CAMK1G: variants seen among roughly 807,000 people sequenced by gnomAD.
CAMK1G encodes calcium/calmodulin-dependent protein kinase type 1G.
A neutral mutation model predicts 54.8 loss-of-function variants in CAMK1G; 27 were observed. That is an observed-to-expected ratio of 0.49 (90% CI 0.36 to 0.68). The LOEUF (loss-of-function observed/expected upper bound fraction) is 0.68. Ranked by LOEUF, CAMK1G falls within the 30% of genes least tolerant of loss-of-function variation. The pLI, the probability that CAMK1G is intolerant of heterozygous loss-of-function variation, is 0.00. For synonymous variants in CAMK1G, 238 were observed against 224.9 expected, an observed-to-expected ratio of 1.06 and a Z score of -0.52; for missense variants, 512 against 591.0, an observed-to-expected ratio of 0.87 and a Z score of 1.39.
At chr1:209,584,675 C>T (rs921347268) in intron 1 of CAMK1G, among the ~76,000 whole-genome samples, 2 of 152,130 alleles carry the variant, frequency 1.3e-5, no homozygotes, top group Non-Finnish European at 2.9e-5. Flanking sequence ...GTCTGGCCAG[C>T]CTCTTGCTCT....
intron 7 of CAMK1G, 91 bp downstream of exon 7, chr1:209,608,024 C>A: frequency 1.1e-6 from 1 of 928,692 alleles, no homozygotes; most frequent in Non-Finnish European, 1.7e-6. Context: ...GCTCCTCCTC[C>A]AAGCACGTGC....
intron 4 of CAMK1G, among the ~76,000 whole-genome samples, chr1:209,604,851 TA>T (rs1665609391): frequency 6.6e-6 from 1 of 152,178 alleles, no homozygotes; most frequent in Admixed American, 6.5e-5. Context: ...GCAGAAACAT[TA>T]GGAATATTCC....
chr1:209,592,234 C>T (rs1665273215), intron 1 of CAMK1G, among the ~76,000 whole-genome samples: 2 of 150,842 alleles, frequency 1.3e-5, no homozygotes, highest in East Asian at 3.9e-4. Context: ...GTAGACCCAA[C>T]TACTAGGGTG....
chr1:209,589,551 T>A (rs943898671), intron 1 of CAMK1G, among the ~76,000 whole-genome samples: 1 of 152,164 alleles, frequency 6.6e-6, no homozygotes, highest in Admixed American at 6.5e-5. Context: ...GTCTAACTCC[T>A]CCACAATGCG....
intron 2 of CAMK1G, among the ~76,000 whole-genome samples, chr1:209,595,460 G>C (rs1290564149): frequency 2.6e-5 from 4 of 152,092 alleles, no homozygotes. Flanking sequence ...GGGAATACCA[G>C]TCCCTTTCCC....
At chr1:209,601,785 A>G (rs894299776) in intron 3 of CAMK1G, among the ~76,000 whole-genome samples, 28 of 152,222 alleles carry the variant, frequency 1.8e-4, no homozygotes, top group African/African-American at 6.8e-4. Flanking sequence ...TTATGTGTTT[A>G]CTATTACCCA....
At chr1:209,608,955 A>T in intron 7 of CAMK1G, 25 bp from the exon 8 acceptor site, 1 of 1,613,548 alleles carries the variant, frequency 6.2e-7, no homozygotes, top group Non-Finnish European at 8.5e-7. Context: ...GTTCAGTAGT[A>T]TGCCTCCTTC....
chr1:209,584,454 C>T (rs143274353), intron 1 of CAMK1G, among the ~76,000 whole-genome samples: 165 of 152,250 alleles, frequency 1.1e-3, no homozygotes, highest in African/African-American at 3.9e-3. Context: ...CCTTCACCTT[C>T]CCCAGGGGCG....
intron 9 of CAMK1G, 135 bp downstream of exon 9, chr1:209,610,064 A>G (rs1015447502): frequency 1.3e-5 from 10 of 741,942 alleles, no homozygotes; most frequent in African/African-American, 6.9e-5. Flanking sequence ...GGACCATGCC[A>G]TTGTTCATCA....
chr1:209,608,183 C>T (rs1156985756), intron 7 of CAMK1G, among the ~76,000 whole-genome samples: 1 of 152,192 alleles, frequency 6.6e-6, no homozygotes, highest in East Asian at 1.9e-4. Context: ...CACTGCACAG[C>T]CACCTGGCAC....
intron 2 of CAMK1G, among the ~76,000 whole-genome samples, chr1:209,599,126 T>A (rs771631550): frequency 6.6e-6 from 1 of 152,162 alleles, no homozygotes; most frequent in Non-Finnish European, 1.5e-5. Flanking sequence ...GAGCCCCTTA[T>A]AAAACCATCA....
intron 6 of CAMK1G, among the ~76,000 whole-genome samples, chr1:209,606,670 A>G (rs1214069628): frequency 6.6e-6 from 1 of 152,204 alleles, no homozygotes; most frequent in East Asian, 1.9e-4. Flanking sequence ...TGAGCCCTCC[A>G]GAGTCCCTGC....
Position 209,607,889 on chromosome 1 carries a change from C to T in CAMK1G, c.591C>T (p.Ser197=), listed in dbSNP as rs1665690124. 1.2e-6 allele frequency: 2 copies of T among 1,613,672 alleles called. No individual in the cohort carries two copies. Among genetic ancestry groups the T allele is most frequent in the Non-Finnish European group, 8.5e-7 (1 of 1,179,852 alleles). ...APEVLAQKPY[S]KAVDCWSIGV... ...AAGTGCTGGCCCAGAAACCCTACAGCAAGGCTGTGGATTGCTGGTCCATCG... is the reference window on the plus strand; with the variant it reads ...AAGTGCTGGCCCAGAAACCCTACAGTAAGGCTGTGGATTGCTGGTCCATCG... The change falls in exon 7 of 13, where the codon AGC becomes AGT. Residue 197 remains serine, a synonymous_variant. Coordinates refer to ENST00000361322, the MANE Select transcript of CAMK1G (RefSeq NM_020439.3).
chr1:209,603,862 T>C (rs1665584260), intron 4 of CAMK1G, among the ~76,000 whole-genome samples: 1 of 152,228 alleles, frequency 6.6e-6, no homozygotes, highest in African/African-American at 2.4e-5. Flanking sequence ...CAGGCTGTGA[T>C]TGTATGTGTC....
intron 1 of CAMK1G, among the ~76,000 whole-genome samples, chr1:209,593,732 C>T (rs539866550): frequency 2.0e-5 from 3 of 152,170 alleles, no homozygotes; most frequent in East Asian, 1.9e-4. Context: ...CCATCTGGCC[C>T]GAGCCACCAT....
At chr1:209,594,928 C>A in intron 1 of CAMK1G, 27 bp from the exon 2 acceptor site, 1 of 1,454,468 alleles carries the variant, frequency 6.9e-7, no homozygotes, top group Non-Finnish European at 9.5e-7. Context: ...CTTTTTTCTC[C>A]TCCTTCTCCC....
chr1:209,608,935 G>A (rs372730608), intron 7 of CAMK1G, 45 bp from the exon 8 acceptor site: 1 of 1,610,642 alleles, frequency 6.2e-7, no homozygotes, highest in Non-Finnish European at 8.5e-7. Context: ...GGCTCAGGGA[G>A]GACAGGTTTG....
intron 6 of CAMK1G, among the ~76,000 whole-genome samples, chr1:209,606,720 C>G (rs1665659457): frequency 6.6e-6 from 1 of 152,220 alleles, no homozygotes. Flanking sequence ...GACTTCCAGC[C>G]TTTGTCTTTC....
chr1:209,608,129 C>G lies in CAMK1G; in HGVS notation c.635+196C>G, dbSNP rs150264926. ...TACACACAGCTTAAAAGCTTCCTCT[C>G]TCTTCACCTCCACCAAGTTTTAAAA... On this transcript the variant is annotated intron_variant, in intron 7 of 12. Transcript: ENST00000361322. 2.4e-3 allele frequency among the ~76,000 whole-genome samples: 368 copies of G among 152,268 alleles called. 3 individuals carry two copies. Among genetic ancestry groups the G allele is most frequent in the African/African-American group, 8.3e-3 (345 of 41,540 alleles).
Sources: gnomAD v4.1 joint callset for allele counts (sites outside exome capture counted in the v4.1 genomes callset) on GRCh38, gnomAD v4.1.1 for gene constraint, MANE v1.5 for transcripts, NCBI Gene and HGNC (gene_info 2026-07-23, HGNC 2026-07-21) for gene names.